Variants in LCP2 observed in about 807,000 individuals in gnomAD.
LCP2 encodes lymphocyte cytosolic protein 2, also known as 76 kDa tyrosine phosphoprotein.
In LCP2, 29 loss-of-function variants were observed where a neutral mutation model predicts 74.5. That is an observed-to-expected ratio of 0.39 (90% CI 0.29 to 0.53). The LOEUF is 0.53. Among genes scored for constraint, LCP2 ranks in the 20% least tolerant of loss-of-function variants. LCP2 has a pLI of 0.72. For missense variants in LCP2, 604 were observed against 634.6 expected, an observed-to-expected ratio of 0.95 and a Z score of 0.52; for synonymous variants, 228 against 229.5, an observed-to-expected ratio of 0.99 and a Z score of 0.06.
At chr5:170,276,947 G>T (rs1426368448) in intron 3 of LCP2, among the ~76,000 whole-genome samples, 1 of 151,788 alleles carries the variant, frequency 6.6e-6, no homozygotes, top group Non-Finnish European at 1.5e-5. Context: ...ATGGTGGCAC[G>T]TGCCTGTGGT....
chr5:170,261,587 C>T (rs1761656007), intron 13 of LCP2, among the ~76,000 whole-genome samples: 1 of 152,192 alleles, frequency 6.6e-6, no homozygotes, highest in Non-Finnish European at 1.5e-5. Flanking sequence ...TTCTCCCTTG[C>T]TCTTGCTTTA....
Position 170,256,129 on chromosome 5 carries a change from G to A in LCP2, c.1150+397C>T, listed in dbSNP as rs1761545278. ...CACAGGAAGATTGGGGATGAGGGCT[G>A]GCTTCCTGGTGAAGTGTGTGTAGGT... On this transcript the variant is annotated intron_variant, in intron 17 of 20. Coordinates refer to ENST00000046794, the MANE Select transcript of LCP2 (RefSeq NM_005565.5). This position sits in a 1 kb window ranked among gnomAD's most constrained non-coding sequence, Gnocchi z 4.5. Among the ~76,000 whole-genome samples the A allele has an allele frequency of 1.3e-5, 2 of 152,168 alleles. No individual in the cohort carries two copies. The highest frequency in any genetic ancestry group is 4.8e-5 in the African/African-American group (2 of 41,446).
At position 170,270,814 on chromosome 5, in the gene LCP2, G is replaced by A. The variant is rs375649336; in HGVS notation, c.428C>T (p.Ala143Val). The change falls in exon 7 of 21, where the codon GCG (alanine) becomes GTG (valine). Residue 143 changes from alanine (A) to valine (V), a missense_variant. Transcript: ENST00000046794. Reference protein sequence around the residue: ...EEEEAPVEDDADYEPPPSNDE... With the variant: ...EEEEAPVEDDVDYEPPPSNDE... ...ATTGGAGGGTGGCGGCTCATAATCC[G>A]CGTCATCTTCCACGGGTGCCTCTTC... 160 of 1,611,974 alleles carry A rather than the reference G, an allele frequency of 9.9e-5. No homozygotes were observed. The highest frequency in any genetic ancestry group is 1.2e-4 in the Non-Finnish European group (145 of 1,179,022).
At chr5:170,284,448 T>C (rs1762150625) in intron 3 of LCP2, among the ~76,000 whole-genome samples, 2 of 125,372 alleles carry the variant, frequency 1.6e-5, no homozygotes, top group South Asian at 2.8e-4. Flanking sequence ...CCTCTGTATG[T>C]AATATGTCTT....
At chr5:170,276,388 C>T (rs963524050) in intron 3 of LCP2, among the ~76,000 whole-genome samples, 1 of 152,182 alleles carries the variant, frequency 6.6e-6, no homozygotes, top group African/African-American at 2.4e-5. Flanking sequence ...GGCCTGCCTT[C>T]TCCTTCCATC....
intron 1 of LCP2, 108 bp from the exon 2 acceptor site, chr5:170,293,480 C>T: frequency 1.9e-6 from 2 of 1,035,738 alleles, no homozygotes; most frequent in Non-Finnish European, 2.9e-6. Flanking sequence ...TTGTGGCTAG[C>T]CAGGCTCCCC....
chr5:170,286,640 C>T (rs1005654987), intron 3 of LCP2, among the ~76,000 whole-genome samples: 4 of 152,192 alleles, frequency 2.6e-5, no homozygotes, highest in Non-Finnish European at 5.9e-5. Flanking sequence ...TTAGAAAGAT[C>T]AAGCCATCTT....
At chr5:170,295,816 A>C (rs376465263) in intron 1 of LCP2, among the ~76,000 whole-genome samples, 1 of 152,156 alleles carries the variant, frequency 6.6e-6, no homozygotes, top group East Asian at 1.9e-4. Flanking sequence ...TTCTTCCCTC[A>C]GTCCATTTAT....
intron 4 of LCP2, 48 bp from the exon 5 acceptor site, chr5:170,275,399 G>A (rs77323661): frequency 0.016 from 25,590 of 1,604,976 alleles, 363 homozygotes; most frequent in South Asian, 0.058. Flanking sequence ...GATTTAAGGG[G>A]ATCTCCCTCT....
At chr5:170,271,543 G>A (rs965214290) in intron 6 of LCP2, among the ~76,000 whole-genome samples, 1 of 152,034 alleles carries the variant, frequency 6.6e-6, no homozygotes, top group African/African-American at 2.4e-5. Flanking sequence ...GTTTGAAGCT[G>A]TTCTCTTGGA....
intron 6 of LCP2, among the ~76,000 whole-genome samples, chr5:170,272,613 T>G (rs1407296469): frequency 8.3e-6 from 1 of 120,584 alleles, no homozygotes; most frequent in African/African-American, 3.2e-5. Context: ...TTTTTTTTTT[T>G]TTTTTTTTTT....
intron 2 of LCP2, 125 bp from the exon 3 acceptor site, chr5:170,288,141 C>T (rs914142675): frequency 5.5e-5 from 52 of 938,668 alleles, no homozygotes; most frequent in East Asian, 4.0e-4. Flanking sequence ...GAGGAGAAAC[C>T]GCCCTGCCCA....
intron 3 of LCP2, among the ~76,000 whole-genome samples, chr5:170,287,492 C>T (rs1216612469): frequency 1.3e-5 from 2 of 152,218 alleles, no homozygotes; most frequent in East Asian, 1.9e-4. Flanking sequence ...TCCCTTTCCT[C>T]GGGATTCTTC....
intron 14 of LCP2, among the ~76,000 whole-genome samples, chr5:170,260,734 T>C (rs1357928144): frequency 2.6e-5 from 4 of 152,224 alleles, no homozygotes; most frequent in Non-Finnish European, 5.9e-5. Context: ...TTTTTCAGGT[T>C]GTGGAAGTAT....
rs1320262340 is a variant in LCP2 at position 170,247,657 on chromosome 5, C to A, written c.*1040G>T. 1.3e-5 allele frequency: 2 copies of A among 152,142 alleles called. No homozygotes were observed. Among genetic ancestry groups the A allele is most frequent in the African/African-American group, 4.8e-5 (2 of 41,416 alleles). 9.4% of individuals were successfully genotyped at this position (152,142 alleles called of 1,614,324 possible). A position where few individuals can be genotyped will look rare whatever the true frequency, so the allele number is the denominator to read the frequency against. On this transcript the variant is annotated 3_prime_UTR_variant, in exon 21 of 21. Coordinates refer to ENST00000046794, the MANE Select transcript of LCP2 (RefSeq NM_005565.5). ...TAAACTGGAGGAAAGAGTTTAATTACCTCAAAGCACTTATACAGCCTGTTT... is the reference window on the plus strand; with the variant it reads ...TAAACTGGAGGAAAGAGTTTAATTAACTCAAAGCACTTATACAGCCTGTTT...
chr5:170,250,360 C>T (rs1761407486), intron 20 of LCP2, among the ~76,000 whole-genome samples: 1 of 152,204 alleles, frequency 6.6e-6, no homozygotes, highest in Non-Finnish European at 1.5e-5. Flanking sequence ...TCTAATTTTT[C>T]CCCTTTTCCA....
chr5:170,286,441 T>C (rs1438525967), intron 3 of LCP2, among the ~76,000 whole-genome samples: 1 of 152,224 alleles, frequency 6.6e-6, no homozygotes, highest in Non-Finnish European at 1.5e-5. Flanking sequence ...AAGTTCCCTC[T>C]TTTGCAAAGA....
Position 170,256,319 on chromosome 5 carries a change from T to G in LCP2, c.1150+207A>C, listed in dbSNP as rs1010751925. 6.6e-6 allele frequency among the ~76,000 whole-genome samples: 1 copy of G among 152,160 alleles called. No homozygotes were observed. Among genetic ancestry groups the G allele is most frequent in the Non-Finnish European group, 1.5e-5 (1 of 68,024 alleles). Reference sequence around the variant, plus strand: ...GTGTATGGGCATGTATATGTATACGTGTGTGTGTATGTGTTGTGTTTTAGG... The same window carrying G: ...GTGTATGGGCATGTATATGTATACGGGTGTGTGTATGTGTTGTGTTTTAGG... On this transcript the variant is annotated intron_variant, in intron 17 of 20. Transcript: ENST00000046794. This position sits in a 1 kb window ranked among gnomAD's most constrained non-coding sequence, Gnocchi z 4.5.
chr5:170,286,824 G>A (rs74882741), intron 3 of LCP2, among the ~76,000 whole-genome samples: 1 of 152,038 alleles, frequency 6.6e-6, no homozygotes, highest in Non-Finnish European at 1.5e-5. Flanking sequence ...TACTCCTTTG[G>A]CCTACTTCCC....
Sources: gnomAD v4.1 joint callset for allele counts (sites outside exome capture counted in the v4.1 genomes callset) on GRCh38, gnomAD v4.1.1 for gene constraint, Gnocchi (gnomAD v3.1) non-coding constraint, MANE v1.5 for transcripts, NCBI Gene and HGNC (gene_info 2026-07-23, HGNC 2026-07-21) for gene names.